RUBCN: variants seen among roughly 807,000 people sequenced by gnomAD.
RUBCN encodes run domain Beclin-1-interacting and cysteine-rich domain-containing protein.
Under a neutral mutation model 113.2 loss-of-function variants are expected in RUBCN, and 74 were observed. The observed-to-expected ratio is 0.65, with a 90% CI of 0.54 to 0.79. The LOEUF is 0.79. Ranked by LOEUF, RUBCN falls within the 30% of genes least tolerant of loss-of-function variation. The pLI is 0.00. For missense variants in RUBCN, 1,109 were observed against 1,251.7 expected, an observed-to-expected ratio of 0.89 and a Z score of 1.72; for synonymous variants, 480 against 490.0, an observed-to-expected ratio of 0.98 and a Z score of 0.27.
chr3:197,727,314 T>C (rs757998723), intron 1 of RUBCN, among the ~76,000 whole-genome samples: 10 of 152,140 alleles, frequency 6.6e-5, no homozygotes, highest in Non-Finnish European at 1.2e-4. Flanking sequence ...GAGACAACAA[T>C]TGCTTCACAG....
In RUBCN at chr3:197,669,218, T is replaced by C. The variant is rs560586048; in HGVS notation, c.*5800A>G. ...ATTTCCCAAAACTAAGGAACCAACA[T>C]TGGTATGTTACTTTTAACTAAACTC... On this transcript the variant is annotated 3_prime_UTR_variant, in exon 20 of 20. Coordinates refer to ENST00000296343, the MANE Select transcript of RUBCN (RefSeq NM_014687.4). Among the ~76,000 whole-genome samples the C allele has an allele frequency of 2.0e-5, 3 of 152,204 alleles. No individual in the cohort carries two copies. The highest frequency in any genetic ancestry group is 4.4e-5 in the Non-Finnish European group (3 of 68,040).
chr3:197,677,255 C>T (rs1720544627), intron 17 of RUBCN, among the ~76,000 whole-genome samples: 1 of 152,152 alleles, frequency 6.6e-6, no homozygotes, highest in Non-Finnish European at 1.5e-5. Context: ...CATGTGAGAC[C>T]CAGCCTGGGA....
At chr3:197,715,283 C>CT (rs1490130164) in intron 2 of RUBCN, among the ~76,000 whole-genome samples, 1 of 130,030 alleles carries the variant, frequency 7.7e-6, no homozygotes, top group Admixed American at 9.0e-5. Context: ...GAGCGAAACT[C>CT]TATCTTGAAA....
intron 1 of RUBCN, among the ~76,000 whole-genome samples, chr3:197,720,459 G>A (rs1008115098): frequency 7.2e-5 from 11 of 152,088 alleles, no homozygotes; most frequent in African/African-American, 2.7e-4. Flanking sequence ...CCAGGCTGGA[G>A]TGCAGTGGCA....
At position 197,700,691 on chromosome 3, in the gene RUBCN, G is replaced by A. The variant is rs202209673; in HGVS notation, c.1183C>T (p.Leu395Phe). The A allele has an allele frequency of 3.1e-6, 5 of 1,614,214 alleles. No homozygotes were observed. Among genetic ancestry groups the A allele is most frequent in the Non-Finnish European group, 4.2e-6 (5 of 1,180,038 alleles). Residue 395 changes from leucine (L) to phenylalanine (F), a missense_variant, in exon 7 of 20, where the codon CTC (leucine) becomes TTC (phenylalanine). Coordinates refer to ENST00000296343, the MANE Select transcript of RUBCN (RefSeq NM_014687.4). ...RRSSFSEGQT[L>F]TVTSGAKKSH... ...TTCTTTGCCCCACTGGTGACAGTGA[G>A]TGTCTGCCCCTCTGAGAAGCTGGAC...
intron 1 of RUBCN, among the ~76,000 whole-genome samples, chr3:197,731,792 C>CG (rs1434817559): frequency 6.8e-6 from 1 of 146,564 alleles, no homozygotes; most frequent in African/African-American, 2.5e-5. Context: ...GCTGGCCGGG[C>CG]GGGGGGCTGA....
intron 4 of RUBCN, 144 bp from the exon 5 acceptor site, chr3:197,703,798 A>C: frequency 1.5e-6 from 1 of 684,240 alleles, no homozygotes; most frequent in Non-Finnish European, 2.7e-6. Context: ...AAGCTGAAGA[A>C]CGCGAGGTGC....
rs1046889464 is a variant in RUBCN, at chr3:197,681,997, T to G, written c.2127-98A>C. On this transcript the variant is annotated intron_variant, in intron 14 of 19. Coordinates refer to ENST00000296343, the MANE Select transcript of RUBCN (RefSeq NM_014687.4). The surrounding 1 kb of genome is among the most constrained non-coding windows in gnomAD (Gnocchi z 5.5). ...ACACATACATACAGCTCCAGTTAAG[T>G]ATGGGAAGAGAGGGGAATTCACCTA... 1 of 928,474 alleles carries G rather than the reference T, an allele frequency of 1.1e-6. No individual in the cohort carries two copies. The highest frequency in any genetic ancestry group is 1.8e-6 in the Non-Finnish European group (1 of 567,746). The allele number at this position is 928,474 out of a possible 1,614,324, so 57.5% of individuals were successfully genotyped here.
Position 197,681,955 on chromosome 3 carries a change from G to A in RUBCN, c.2127-56C>T. On this transcript the variant is annotated intron_variant, in intron 14 of 19. Transcript: ENST00000296343. The surrounding 1 kb of genome is among the most constrained non-coding windows in gnomAD (Gnocchi z 5.5). ...CAGAGCAGCTGCGTGAGACCTTGGAGGTGTGAAGGAGTGAGCACACATACA... is the reference window on the plus strand; with the variant it reads ...CAGAGCAGCTGCGTGAGACCTTGGAAGTGTGAAGGAGTGAGCACACATACA... The A allele has an allele frequency of 7.3e-7, 1 of 1,368,464 alleles. No homozygotes were observed. The highest frequency in any genetic ancestry group is 1.0e-6 in the Non-Finnish European group (1 of 957,178). 84.8% of individuals were successfully genotyped at this position (1,368,464 alleles called of 1,614,324 possible). A position where few individuals can be genotyped will look rare whatever the true frequency, so the allele number is the denominator to read the frequency against.
chr3:197,696,310 T>G (rs1722993269), intron 8 of RUBCN, among the ~76,000 whole-genome samples: 1 of 151,086 alleles, frequency 6.6e-6, no homozygotes, highest in East Asian at 2.0e-4. Flanking sequence ...AGGCGGAGGT[T>G]GCAGTGAGCC....
In RUBCN at chr3:197,736,687, T is replaced by C; in HGVS notation, c.33A>G (p.Gly11=). Residue 11 remains glycine (G), a synonymous_variant, in exon 1 of 20, where the codon GGA becomes GGG. Coordinates refer to ENST00000296343, the MANE Select transcript of RUBCN (RefSeq NM_014687.4). MRPEGAGMEL[G]GGEERLPEES... is the part of the protein sequence containing the mutation. ...CCTCAGGCAGGCGCTCCTCGCCGCC[T>C]CCGAGCTCCATTCCCGCGCCCTCCG... is the stretch of plus-strand genomic sequence containing the variant. 6.5e-7 allele frequency: 1 copy of C among 1,531,994 alleles called. No homozygotes were observed. Among genetic ancestry groups the C allele is most frequent in the Non-Finnish European group, 8.7e-7 (1 of 1,145,970 alleles). The allele number at this position is 1,531,994 out of a possible 1,614,324, so 94.9% of individuals were successfully genotyped here. A position where few individuals can be genotyped will look rare whatever the true frequency, so the allele number is the denominator to read the frequency against.
rs1348891627 is a variant in RUBCN, at chr3:197,672,717, GAGT to G, written c.*2298_*2300del. On this transcript the variant is annotated 3_prime_UTR_variant, in exon 20 of 20. Transcript: ENST00000296343. ...TGTCACCTTTTTGTTTTTTGAGACG[GAGT>G]CTCACTCTGTCACCCAGGCTGGAGT... 1 of 152,390 alleles carries G rather than the reference GAGT, an allele frequency of 6.6e-6. No individual in the cohort carries two copies. 9.4% of individuals were successfully genotyped at this position (152,390 alleles called of 1,614,324 possible).
intron 11 of RUBCN, among the ~76,000 whole-genome samples, chr3:197,692,501 G>T (rs1274432145): frequency 2.6e-5 from 4 of 151,698 alleles, no homozygotes; most frequent in Admixed American, 2.0e-4. Context: ...AGGTAGCTTG[G>T]TGACCTGTGT....
intron 1 of RUBCN, among the ~76,000 whole-genome samples, chr3:197,721,111 A>T (rs988583298): frequency 6.6e-6 from 1 of 152,102 alleles, no homozygotes; most frequent in African/African-American, 2.4e-5. Context: ...TGGTATCATG[A>T]TAATGTTGGC....
At chr3:197,739,458 T>C (rs574234187), upstream of RUBCN, among the ~76,000 whole-genome samples, 190 of 134,512 alleles carry the variant, frequency 1.4e-3, no homozygotes, top group Non-Finnish European at 1.4e-3. Flanking sequence ...CTTTGGGAGG[T>C]CAAGGCGGGC....
intron 2 of RUBCN, among the ~76,000 whole-genome samples, chr3:197,715,995 C>G (rs938644372): frequency 6.6e-6 from 1 of 151,908 alleles, no homozygotes; most frequent in African/African-American, 2.4e-5. Context: ...AGGAAAGAGA[C>G]GTTGATTCTA....
chr3:197,690,893 A>G (rs1722347251), intron 11 of RUBCN, among the ~76,000 whole-genome samples: 4 of 152,244 alleles, frequency 2.6e-5, no homozygotes, highest in African/African-American at 9.6e-5. Context: ...AGAATCAGTG[A>G]GTATCTGAAT....
chr3:197,708,399 G>A (rs1487032594), intron 2 of RUBCN, among the ~76,000 whole-genome samples: 2 of 151,918 alleles, frequency 1.3e-5, no homozygotes, highest in Non-Finnish European at 2.9e-5. Flanking sequence ...GCCTCCCAAG[G>A]TGCTGGGATT....
At chr3:197,705,912 G>A (rs1216844622) in intron 2 of RUBCN, among the ~76,000 whole-genome samples, 1 of 152,058 alleles carries the variant, frequency 6.6e-6, no homozygotes, top group Admixed American at 6.6e-5. Context: ...ATTTTTAGTA[G>A]AGATGGGGTT....
Sources: gnomAD v4.1 joint callset for allele counts (sites outside exome capture counted in the v4.1 genomes callset) on GRCh38, gnomAD v4.1.1 for gene constraint, Gnocchi (gnomAD v3.1) non-coding constraint, MANE v1.5 for transcripts, NCBI Gene and HGNC (gene_info 2026-07-23, HGNC 2026-07-21) for gene names.